The following ASXL2 variants were observed in gnomAD, a reference collection of about 807,000 sequenced individuals.
The protein encoded by ASXL2 is putative Polycomb group protein ASXL2.
In ASXL2, 23 loss-of-function variants were observed where a neutral mutation model predicts 122.0. That is an observed-to-expected ratio of 0.19 (90% CI 0.14 to 0.27). The LOEUF is 0.27. ASXL2 is among the 10% of genes least tolerant of loss of function. ASXL2 has a pLI of 1.00. For synonymous variants in ASXL2, 650 were observed against 637.0 expected (o/e 1.02, Z -0.31); for missense variants, 1,518 against 1,713.8 (o/e 0.89, Z 2.02).
In ASXL2 at chr2:25,738,972, T is replaced by C. The variant is rs965643111; in HGVS notation, c.*3057A>G. 5 of 152,230 alleles carry C rather than the reference T, an allele frequency of 3.3e-5. No homozygotes were observed. The highest frequency in any genetic ancestry group is 1.2e-4 in the African/African-American group (5 of 41,454). 9.4% of individuals were successfully genotyped at this position (152,230 alleles called of 1,614,324 possible). ...AACTCCAGGCTATTTGGCTTTACTT[T>C]CTGTTTAATAGGATGGAGAATTCTA... On this transcript the variant is annotated 3_prime_UTR_variant, in exon 13 of 13. Transcript: ENST00000435504.
intron 2 of ASXL2, among the ~76,000 whole-genome samples, chr2:25,841,031 C>G (rs2089572651): frequency 6.6e-6 from 1 of 152,208 alleles, no homozygotes; most frequent in South Asian, 2.1e-4. Context: ...GGCATGGTGG[C>G]TCACGCCTGT....
intron 2 of ASXL2, among the ~76,000 whole-genome samples, chr2:25,843,967 G>A (rs1168829792): frequency 6.6e-6 from 1 of 152,108 alleles, no homozygotes; most frequent in Non-Finnish European, 1.5e-5. Context: ...ATTGGCACCT[G>A]AGATGAAAAA....
At position 25,850,859 on chromosome 2, in the gene ASXL2, G is replaced by T. The variant is rs574150343; in HGVS notation, c.58-5296C>A. 2.0e-5 allele frequency among the ~76,000 whole-genome samples: 3 copies of T among 152,268 alleles called. No individual in the cohort carries two copies. The East Asian group carries it at 5.8e-4, about 29-fold the overall frequency. ...AGGTACAATTCATATTAAAAAAGCA[G>T]GATAAGGCTGCATGCGGTGGCTCAC... is the stretch of plus-strand genomic sequence containing the variant. On this transcript the variant is annotated intron_variant, in intron 1 of 12. Coordinates refer to ENST00000435504, the MANE Select transcript of ASXL2 (RefSeq NM_018263.6).
intron 1 of ASXL2, among the ~76,000 whole-genome samples, chr2:25,865,408 G>A (rs2089890498): frequency 6.6e-6 from 1 of 151,436 alleles, no homozygotes; most frequent in African/African-American, 2.4e-5. Context: ...CTCCAGCCTG[G>A]ATGACAGAGC....
intron 9 of ASXL2, among the ~76,000 whole-genome samples, chr2:25,756,624 T>C (rs531905486): frequency 6.6e-6 from 1 of 152,276 alleles, no homozygotes; most frequent in East Asian, 1.9e-4. Flanking sequence ...CGTATGTGGG[T>C]TGACATCATT....
At chr2:25,811,410 C>T (rs1443335532) in intron 3 of ASXL2, among the ~76,000 whole-genome samples, 1 of 151,458 alleles carries the variant, frequency 6.6e-6, no homozygotes, top group Non-Finnish European at 1.5e-5. Flanking sequence ...ATAAAAGCAA[C>T]AAAACTACAG....
At position 25,878,154 on chromosome 2, in the gene ASXL2, C is replaced by T. The variant is rs980486770; in HGVS notation, c.57+12G>A. The T allele has an allele frequency of 6.2e-7, 1 of 1,613,890 alleles. No homozygotes were observed. Among genetic ancestry groups the T allele is most frequent in the Non-Finnish European group, 8.5e-7 (1 of 1,179,832 alleles). ...ATCCTCCCGGCCTTCCCCTTCGCTC[C>T]CTCCCCCTTACCGTCTTGGCGGCCT... is the stretch of plus-strand genomic sequence containing the variant. On this transcript the variant is annotated intron_variant, in intron 1 of 12. Transcript: ENST00000435504.
intron 1 of ASXL2, chr2:25,857,092 G>GGGT (rs1553706302): frequency 8.7e-6 from 1 of 114,352 alleles, no homozygotes; most frequent in African/African-American, 3.3e-5. Context: ...GGGGGGGGCG[G>GGGT]GGGGGGGGAG....
chr2:25,866,287 C>T (rs865806913), intron 1 of ASXL2, among the ~76,000 whole-genome samples: 22 of 152,010 alleles, frequency 1.4e-4, no homozygotes, highest in African/African-American at 4.8e-4. Flanking sequence ...CATGCCACCA[C>T]GCCCAGCTAA....
At chr2:25,832,036 AG>A (rs1232414562) in intron 3 of ASXL2, among the ~76,000 whole-genome samples, 1 of 152,254 alleles carries the variant, frequency 6.6e-6, no homozygotes, top group Non-Finnish European at 1.5e-5. Flanking sequence ...GTTTACTAAG[AG>A]AAGTAGAACT....
At chr2:25,846,016 A>C (rs560717630) in intron 1 of ASXL2, among the ~76,000 whole-genome samples, 1 of 152,286 alleles carries the variant, frequency 6.6e-6, no homozygotes, top group African/African-American at 2.4e-5. Context: ...TGGGGAGGAA[A>C]GCACAACTAG....
rs1316505474 is a variant in ASXL2 at position 25,744,172 on chromosome 2, T to G, written c.2165A>C (p.Glu722Ala). 4 of 1,613,904 alleles carry G rather than the reference T, an allele frequency of 2.5e-6. No homozygotes were observed. Among genetic ancestry groups the G allele is most frequent in the Non-Finnish European group, 1.7e-6 (2 of 1,179,888 alleles). ...TTCCAGTGTGGGGCCCTTTCCAGTTTCACTGACTCTGTCTGAGCCTGGACT... is the reference window on the plus strand; with the variant it reads ...TTCCAGTGTGGGGCCCTTTCCAGTTGCACTGACTCTGTCTGAGCCTGGACT... ...GGSPGSDRVS[E>A]TGKGPTLELA... The change falls in exon 13 of 13, where the codon GAA (glutamate) becomes GCA (alanine). Residue 722 changes from glutamate (E) to alanine (A), a missense_variant. By Grantham distance (107) the Glu-to-Ala change is moderately radical. Around this residue, in one of 8 missense-constraint regions of ASXL2, gnomAD observed 831 missense variants for 833.1 expected, o/e 1.00. Transcript: ENST00000435504. The surrounding 1 kb of genome is among the most constrained non-coding windows in gnomAD (Gnocchi z 4.7).
chr2:25,769,431 A>G (rs1224546429), intron 6 of ASXL2, among the ~76,000 whole-genome samples: 1 of 152,188 alleles, frequency 6.6e-6, no homozygotes, highest in Non-Finnish European at 1.5e-5. Flanking sequence ...CCCAATTATC[A>G]AATTTCAGCA....
At chr2:25,810,483 C>A in intron 3 of ASXL2, 1 of 739,694 alleles carries the variant, frequency 1.4e-6, no homozygotes. Context: ...CCTCTTCAAC[C>A]AGCTGGATCC....
In ASXL2 at chr2:25,744,310, G is replaced by T. The variant is rs776281552; in HGVS notation, c.2027C>A (p.Ala676Asp). The T allele has an allele frequency of 6.2e-7, 1 of 1,611,876 alleles. No homozygotes were observed. The highest frequency in any genetic ancestry group is 1.1e-5 in the South Asian group (1 of 90,950). ...GGCGGCTGCAGCAGCTGCGGCGGCA[G>T]CGGCAGCTGCTGCCCTCTGTGCTTT... The part of the protein sequence containing the change: ...LVKAQRAAAA[A>D]AAAAAAAASV... The change falls in exon 13 of 13, where the codon GCT (alanine) becomes GAT (aspartate). Residue 676 changes from alanine (A) to aspartate (D), a missense_variant. Ala to Asp is a moderately radical substitution (Grantham distance 126). Transcript: ENST00000435504. This position sits in a 1 kb window ranked among gnomAD's most constrained non-coding sequence, Gnocchi z 4.7.
chr2:25,818,877 G>A (rs983071125), intron 3 of ASXL2, among the ~76,000 whole-genome samples: 4 of 152,092 alleles, frequency 2.6e-5, no homozygotes, highest in Non-Finnish European at 5.9e-5. Context: ...CTGTAGTGTG[G>A]GTAGGGCCTG....
intron 1 of ASXL2, among the ~76,000 whole-genome samples, chr2:25,850,407 T>A (rs997915063): frequency 6.6e-6 from 1 of 152,244 alleles, no homozygotes; most frequent in African/African-American, 2.4e-5. Flanking sequence ...AAAAAACTAG[T>A]AAACTGTATT....
chr2:25,845,938 A>C (rs2089642896), intron 1 of ASXL2, among the ~76,000 whole-genome samples: 1 of 152,220 alleles, frequency 6.6e-6, no homozygotes, highest in South Asian at 2.1e-4. Flanking sequence ...GAATGCAACT[A>C]AAAACCTGGA....
Position 25,770,990 on chromosome 2 carries a change from C to T in ASXL2, c.504+450G>A, listed in dbSNP as rs2088440969. ...CGGTGGCACACGCCTGTAATCCCAGCACCTTGGGAGGCCAAGGTGGGCAGA... is the reference window on the plus strand; with the variant it reads ...CGGTGGCACACGCCTGTAATCCCAGTACCTTGGGAGGCCAAGGTGGGCAGA... On this transcript the variant is annotated intron_variant, in intron 6 of 12. Transcript: ENST00000435504. 5.3e-5 allele frequency among the ~76,000 whole-genome samples: 8 copies of T among 152,314 alleles called. No individual in the cohort carries two copies. In the South Asian group the frequency reaches 1.7e-3, roughly 32 times the overall value.
Sources: allele counts gnomAD v4.1 joint callset (sites outside exome capture counted in the v4.1 genomes callset), GRCh38; gene constraint gnomAD v4.1.1; regional missense constraint gnomAD v4.1.1; non-coding constraint Gnocchi (gnomAD v3.1); transcripts MANE v1.5; gene names NCBI Gene and HGNC (gene_info 2026-07-23, HGNC 2026-07-21).